Variants in CNTNAP2 observed in about 807,000 individuals in gnomAD.
The protein encoded by CNTNAP2 is contactin-associated protein-like 2.
In CNTNAP2, 98 loss-of-function variants were observed where a neutral mutation model predicts 155.2. The ratio of observed to expected loss-of-function variants is 0.63; its 90% CI spans 0.54 to 0.75. CNTNAP2 has a LOEUF of 0.75. Among genes scored for constraint, CNTNAP2 ranks in the 30% least tolerant of loss-of-function variants. The pLI is 0.00. For missense variants in CNTNAP2, 1,727 were observed against 1,688.1 expected (o/e 1.02, Z -0.40); for synonymous variants, 651 against 631.2 (o/e 1.03, Z -0.47).
intron 3 of CNTNAP2, among the ~76,000 whole-genome samples, chr7:147,010,038 A>G (rs2372807): frequency 2.8e-5 from 4 of 140,570 alleles, no homozygotes; most frequent in African/African-American, 8.0e-5. Flanking sequence ...GAGACAAAGT[A>G]TTGCTCCATC....
chr7:147,349,185 G>A (rs1316758291), intron 9 of CNTNAP2, among the ~76,000 whole-genome samples: 2 of 151,788 alleles, frequency 1.3e-5, no homozygotes, highest in Non-Finnish European at 2.9e-5. Flanking sequence ...GGATGAATAC[G>A]CTAATTATCC....
intron 22 of CNTNAP2, among the ~76,000 whole-genome samples, chr7:148,406,149 G>A (rs561697874): frequency 8.8e-4 from 133 of 151,992 alleles, no homozygotes; most frequent in Admixed American, 1.6e-3. Context: ...GGAGAATGGC[G>A]TGAACCCAGG....
At chr7:146,923,746 G>T (rs1796551976) in intron 3 of CNTNAP2, among the ~76,000 whole-genome samples, 1 of 152,066 alleles carries the variant, frequency 6.6e-6, no homozygotes, top group Admixed American at 6.6e-5. Context: ...ACCACAAATA[G>T]GTCCTCTAAT....
intron 1 of CNTNAP2, among the ~76,000 whole-genome samples, chr7:146,185,973 TA>T (rs1189487666): frequency 6.6e-6 from 1 of 152,126 alleles, no homozygotes; most frequent in Admixed American, 6.6e-5. Context: ...TTTATTTATG[TA>T]ATGTATCATA....
At chr7:147,851,169 A>G (rs1351729037) in intron 13 of CNTNAP2, among the ~76,000 whole-genome samples, 1 of 152,192 alleles carries the variant, frequency 6.6e-6, no homozygotes, top group Non-Finnish European at 1.5e-5. Flanking sequence ...ACACATGAAA[A>G]AATGCTCATC....
At position 148,303,245 on chromosome 7, in the gene CNTNAP2, T is replaced by G. The variant is rs142436938; in HGVS notation, c.3475+36119T>G. ...AAGACGAAGGATTTCCTTGAGCTCA[T>G]AAATGGAAGTGGTTCATCTTCCAGG... On this transcript the variant is annotated intron_variant, in intron 21 of 23. Coordinates refer to ENST00000361727, the MANE Select transcript of CNTNAP2 (RefSeq NM_014141.6). 2.5e-3 allele frequency among the ~76,000 whole-genome samples: 386 copies of G among 152,288 alleles called. 1 individual carries two copies. The highest frequency in any genetic ancestry group is 8.1e-3 in the African/African-American group (337 of 41,552).
intron 21 of CNTNAP2, among the ~76,000 whole-genome samples, chr7:148,300,574 A>G (rs897729622): frequency 5.4e-5 from 6 of 111,906 alleles, no homozygotes; most frequent in African/African-American, 2.0e-4. Flanking sequence ...TAGGCTAAGC[A>G]GGAAAAAAAA....
chr7:146,445,706 T>C (rs911840582), intron 1 of CNTNAP2, among the ~76,000 whole-genome samples: 3 of 152,150 alleles, frequency 2.0e-5, no homozygotes, highest in Non-Finnish European at 4.4e-5. Context: ...TCAAAATCTG[T>C]ATCAAATAAA....
chr7:148,253,040 AGATAGATAGACAGAT>A (rs1796394703), intron 20 of CNTNAP2, among the ~76,000 whole-genome samples: 1 of 131,658 alleles, frequency 7.6e-6, no homozygotes, highest in African/African-American at 2.8e-5. Context: ...ATAGATAGAT[AGATAGATAGACAGAT>A]GATAGATAGA....
At chr7:148,092,367 G>A (rs969733633) in intron 15 of CNTNAP2, among the ~76,000 whole-genome samples, 1 of 152,196 alleles carries the variant, frequency 6.6e-6, no homozygotes, top group African/African-American at 2.4e-5. Context: ...GATTCCAGAA[G>A]GGCAACAGGC....
At chr7:147,497,170 A>T (rs1269035037) in intron 11 of CNTNAP2, 2 of 152,224 alleles carry the variant, frequency 1.3e-5, no homozygotes, top group East Asian at 3.9e-4. Context: ...ATGTAAATGG[A>T]TATGGATTTG....
rs1016648337 is a variant in CNTNAP2 at position 148,132,271 on chromosome 7, C to T, written c.2554+13983C>T. On this transcript the variant is annotated intron_variant, in intron 16 of 23. Coordinates refer to ENST00000361727, the MANE Select transcript of CNTNAP2 (RefSeq NM_014141.6). ...GGAACCTTGAGGAGAAATGGGGAAA[C>T]GTAAAGACTTACATGAAATCTTATA... Among the ~76,000 whole-genome samples the T allele has an allele frequency of 3.9e-5, 6 of 152,026 alleles. No homozygotes were observed. In the East Asian group the frequency reaches 7.7e-4, roughly 20 times the overall value.
chr7:148,338,857 G>A (rs955770017), intron 21 of CNTNAP2, among the ~76,000 whole-genome samples: 2 of 152,094 alleles, frequency 1.3e-5, no homozygotes, highest in Admixed American at 1.3e-4. Context: ...AGAAAGGGGA[G>A]GTGGAAGAAG....
At chr7:147,054,685 G>A (rs1402015939) in intron 4 of CNTNAP2, among the ~76,000 whole-genome samples, 1 of 151,828 alleles carries the variant, frequency 6.6e-6, no homozygotes, top group African/African-American at 2.4e-5. Context: ...TATTTAAGAT[G>A]GCAGTAATTG....
At chr7:146,606,142 T>G (rs1799043381) in intron 1 of CNTNAP2, among the ~76,000 whole-genome samples, 1 of 152,154 alleles carries the variant, frequency 6.6e-6, no homozygotes, top group Admixed American at 6.5e-5. Flanking sequence ...TTTACTGTTT[T>G]GGCATAATTA....
At chr7:147,112,871 G>A (rs1460269236) in intron 5 of CNTNAP2, among the ~76,000 whole-genome samples, 1 of 151,960 alleles carries the variant, frequency 6.6e-6, no homozygotes, top group African/African-American at 2.4e-5. Flanking sequence ...TATCCACCAG[G>A]TTTTGGTACC....
intron 1 of CNTNAP2, among the ~76,000 whole-genome samples, chr7:146,377,893 G>A (rs546052504): frequency 9.2e-5 from 14 of 152,152 alleles, no homozygotes; most frequent in African/African-American, 3.1e-4. Context: ...TAGGCCCAAC[G>A]TGGGGCCTGA....
intron 10 of CNTNAP2, among the ~76,000 whole-genome samples, chr7:147,437,534 T>C (rs1465971730): frequency 6.6e-6 from 1 of 152,150 alleles, no homozygotes; most frequent in Non-Finnish European, 1.5e-5. Flanking sequence ...GTTTTTGGTT[T>C]CTGAATTCTA....
At chr7:147,241,878 A>G (rs550344190) in intron 8 of CNTNAP2, among the ~76,000 whole-genome samples, 14 of 152,300 alleles carry the variant, frequency 9.2e-5, no homozygotes, top group African/African-American at 3.4e-4. Context: ...ATGCAATTCA[A>G]ATTTGACTTG....
Sources: gnomAD v4.1 joint callset for allele counts (sites outside exome capture counted in the v4.1 genomes callset) on GRCh38, gnomAD v4.1.1 for gene constraint, MANE v1.5 for transcripts, NCBI Gene and HGNC (gene_info 2026-07-23, HGNC 2026-07-21) for gene names.